The following RAD9B variants were observed in gnomAD, a reference collection of about 807,000 sequenced individuals.
RAD9B encodes the protein RAD9 checkpoint clamp component B.
A neutral mutation model predicts 48.3 loss-of-function variants in RAD9B; 41 were observed. That is an observed-to-expected ratio of 0.85 (90% CI 0.66 to 1.10). The LOEUF (loss-of-function observed/expected upper bound fraction) is 1.10, where lower values mean the gene tolerates loss of function less well. Ranked by LOEUF, RAD9B falls within the 50% of genes least tolerant of loss-of-function variation. RAD9B has a pLI of 0.00. For synonymous variants in RAD9B, 160 were observed against 157.9 expected, an observed-to-expected ratio of 1.01 and a Z score of -0.10; for missense variants, 444 against 485.1, an observed-to-expected ratio of 0.92 and a Z score of 0.80.
At chr12:110,521,552 ATTCT>A in intron 9 of RAD9B, among the ~76,000 whole-genome samples, 2 of 145,718 alleles carry the variant, frequency 1.4e-5, no homozygotes, top group Admixed American at 6.8e-5. Flanking sequence ...TGAAAACATA[ATTCT>A]TTTTTTTTTT....
intron 5 of RAD9B, among the ~76,000 whole-genome samples, chr12:110,513,593 GTTATTTGAAAGTGCA>G (rs2063524491): frequency 6.6e-6 from 1 of 151,546 alleles, no homozygotes; most frequent in South Asian, 2.1e-4. Context: ...CTTGAAACCT[GTTATTTGAAAGTGCA>G]TCCAGTTTTC....
Position 110,515,064 on chromosome 12 carries a change from C to A in RAD9B, c.503C>A (p.Ala168Asp). 6.4e-7 allele frequency: 1 copy of A among 1,550,838 alleles called. No individual in the cohort carries two copies. Among genetic ancestry groups the A allele is most frequent in the Non-Finnish European group, 8.7e-7 (1 of 1,145,036 alleles). Reference sequence around the variant, plus strand: ...ACATTTTATAGATTGCTTGCTGATGCCATTGTTCTTTTTACATCAAGTCAA... The same window carrying A: ...ACATTTTATAGATTGCTTGCTGATGACATTGTTCTTTTTACATCAAGTCAA... The part of the protein sequence containing the change: ...LMIQPRLLAD[A>D]IVLFTSSQEE... Residue 168 changes from alanine to aspartate, a missense_variant, in exon 6 of 11, where the codon GCC (alanine) becomes GAC (aspartate). Physicochemically the swap from Ala to Asp is moderately radical, Grantham distance 126 (BLOSUM62 -2). Coordinates refer to ENST00000409300, the MANE Select transcript of RAD9B (RefSeq NM_001286535.2).
Position 110,505,718 on chromosome 12 carries a change from G to T in RAD9B, c.219G>T (p.Met73Ile). The change falls in exon 3 of 11, where the codon ATG becomes ATT. Residue 73 changes from methionine to isoleucine, a missense_variant. Met to Ile is a conservative substitution (Grantham distance 10, BLOSUM62 1). Transcript: ENST00000409300. The part of the protein sequence containing the change: ...QHYQWSALVK[M>I]SENELDTTLH... Reference sequence around the variant, plus strand: ...ATCAATGGTCAGCTTTAGTGAAAATGAGTGAAAATGAACTTGACACAACAC... The same window carrying T: ...ATCAATGGTCAGCTTTAGTGAAAATTAGTGAAAATGAACTTGACACAACAC... 1 of 1,609,832 alleles carries T rather than the reference G, an allele frequency of 6.2e-7. No individual in the cohort carries two copies. The highest frequency in any genetic ancestry group is 8.5e-7 in the Non-Finnish European group (1 of 1,177,862).
intron 4 of RAD9B, among the ~76,000 whole-genome samples, chr12:110,511,878 C>CGCTCTGTTGTCAGGCTGGAGTGCA (rs1230993173): frequency 1.3e-5 from 2 of 151,824 alleles, no homozygotes; most frequent in African/African-American, 4.8e-5. Context: ...GACAGAGTCT[C>CGCTCTGTTGTCAGGCTGGAGTGCA]GCTCTGTTGT....
In RAD9B at chr12:110,505,792, G is replaced by A; in HGVS notation, c.273+20G>A. 2 of 1,601,666 alleles carry A rather than the reference G, an allele frequency of 1.2e-6. No individual in the cohort carries two copies. Among genetic ancestry groups the A allele is most frequent in the Non-Finnish European group, 1.7e-6 (2 of 1,171,832 alleles). On this transcript the variant is annotated intron_variant, in intron 3 of 10. Coordinates refer to ENST00000409300, the MANE Select transcript of RAD9B (RefSeq NM_001286535.2). Reference sequence around the variant, plus strand: ...ATGAAGGTAAATATAAGTGGCCCTGGTTTTCTCTTATTCTGTAGAAATATT... The same window carrying A: ...ATGAAGGTAAATATAAGTGGCCCTGATTTTCTCTTATTCTGTAGAAATATT...
At chr12:110,526,268 C>T (rs146536467) in intron 10 of RAD9B, among the ~76,000 whole-genome samples, 1 of 152,150 alleles carries the variant, frequency 6.6e-6, no homozygotes, top group Non-Finnish European at 1.5e-5. Context: ...TCATATTAGA[C>T]TTGAAGTTAA....
intron 3 of RAD9B, 64 bp from the exon 4 acceptor site, chr12:110,506,515 C>A: frequency 1.1e-6 from 1 of 871,136 alleles, no homozygotes; most frequent in Non-Finnish European, 1.9e-6. Context: ...AATGCATATA[C>A]TTTTGTTTCT....
chr12:110,530,829 C>A lies in RAD9B; in HGVS notation c.*176C>A. 1 of 1,391,108 alleles carries A rather than the reference C, an allele frequency of 7.2e-7. No homozygotes were observed. Among genetic ancestry groups the A allele is most frequent in the Non-Finnish European group, 9.3e-7 (1 of 1,072,292 alleles). 86.2% of individuals were successfully genotyped at this position (1,391,108 alleles called of 1,614,324 possible). ...ACCATATCTAGAAATAGCTGTTTGTCAAGTGTATGTAACTTGCTTTAAATC... is the reference window on the plus strand; with the variant it reads ...ACCATATCTAGAAATAGCTGTTTGTAAAGTGTATGTAACTTGCTTTAAATC... On this transcript the variant is annotated 3_prime_UTR_variant, in exon 11 of 11. Coordinates refer to ENST00000409300, the MANE Select transcript of RAD9B (RefSeq NM_001286535.2).
Position 110,511,824 on chromosome 12 carries a change from A to C in RAD9B, c.389-955A>C, listed in dbSNP as rs146349402. 5.3e-5 allele frequency among the ~76,000 whole-genome samples: 8 copies of C among 152,282 alleles called. No homozygotes were observed. The East Asian group carries it at 1.5e-3, about 29-fold the overall frequency. On this transcript the variant is annotated intron_variant, in intron 4 of 10. Coordinates refer to ENST00000409300, the MANE Select transcript of RAD9B (RefSeq NM_001286535.2). ...TTACACAGTCTGTGCATGTAACAAA[A>C]TATCTGTCACATGTACCCCATACAT... is the stretch of plus-strand genomic sequence containing the variant.
chr12:110,510,889 G>A, intron 4 of RAD9B, among the ~76,000 whole-genome samples: 1 of 151,980 alleles, frequency 6.6e-6, no homozygotes, highest in East Asian at 1.9e-4. Context: ...AGGAGTTGGA[G>A]GTTGCAGTGA....
intron 5 of RAD9B, among the ~76,000 whole-genome samples, chr12:110,513,735 TA>T (rs2063531315): frequency 1.6e-5 from 2 of 128,308 alleles, no homozygotes; most frequent in South Asian, 2.9e-4. Context: ...TTATTATTAT[TA>T]TTTTTGAGAC....
chr12:110,516,638 C>T (rs1168543808), intron 6 of RAD9B, among the ~76,000 whole-genome samples: 5 of 151,808 alleles, frequency 3.3e-5, no homozygotes, highest in African/African-American at 4.8e-5. Flanking sequence ...GGTGAAACCC[C>T]GTCTCTATTA....
rs2064126226 is a variant in RAD9B at position 110,531,187 on chromosome 12, A to G, written c.*534A>G. On this transcript the variant is annotated 3_prime_UTR_variant, in exon 11 of 11. Transcript: ENST00000409300. The stretch of plus-strand genomic sequence containing the variant: ...GAAAAAAGATCAAGAGTAAAAATAT[A>G]TAGTCACTTTCACTTGGCTTTTTTA... The G allele has an allele frequency of 1.0e-6, 1 of 988,472 alleles. No homozygotes were observed. The highest frequency in any genetic ancestry group is 1.2e-6 in the Non-Finnish European group (1 of 824,014). The allele number at this position is 988,472 out of a possible 1,614,324, so 61.2% of individuals were successfully genotyped here.
intron 5 of RAD9B, among the ~76,000 whole-genome samples, chr12:110,513,236 G>A (rs1318244744): frequency 6.6e-6 from 1 of 151,488 alleles, no homozygotes; most frequent in Non-Finnish European, 1.5e-5. Flanking sequence ...CTAAAGTGCT[G>A]GTATTACAGG....
chr12:110,502,825 A>C, intron 1 of RAD9B: 1 of 162,286 alleles, frequency 6.2e-6, no homozygotes, highest in Non-Finnish European at 1.4e-5. Context: ...CTAAAACGGA[A>C]ACAGGGGTAA....
rs564236664 is a variant in RAD9B at position 110,530,609 on chromosome 12, G to A, written c.1210G>A (p.Asp404Asn). 2 of 1,613,968 alleles carry A rather than the reference G, an allele frequency of 1.2e-6. No homozygotes were observed. Among genetic ancestry groups the A allele is most frequent in the Middle Eastern group, 1.6e-4 (1 of 6,062 alleles). The part of the protein sequence containing the change: ...HPFDSLARAS[D>N]SEEDMNNGSF... ...TTTCGACAGTCTGGCAAGAGCAAGT[G>A]ACAGTGAAGAGGACATGAATAATGG... The change falls in exon 11 of 11, where the codon GAC becomes AAC. Residue 404 changes from aspartate to asparagine, a missense_variant. Asp to Asn is a conservative substitution (Grantham distance 23). Coordinates refer to ENST00000409300, the MANE Select transcript of RAD9B (RefSeq NM_001286535.2).
chr12:110,519,711 C>A, intron 8 of RAD9B, 83 bp from the exon 9 acceptor site: 1 of 1,461,044 alleles, frequency 6.8e-7, no homozygotes, highest in Non-Finnish European at 9.1e-7. Flanking sequence ...TCTTTTTAGT[C>A]CAGAATTAAG....
intron 2 of RAD9B, among the ~76,000 whole-genome samples, chr12:110,504,262 A>C (rs2063194341): frequency 1.3e-5 from 2 of 151,818 alleles, no homozygotes; most frequent in Non-Finnish European, 2.9e-5. Context: ...TGAGGTCAGG[A>C]GTTCGAGACT....
rs866081878 is a variant in RAD9B at position 110,531,894 on chromosome 12, T to C, written c.*1241T>C. 3 of 414,200 alleles carry C rather than the reference T, an allele frequency of 7.2e-6. No homozygotes were observed. The highest frequency in any genetic ancestry group is 6.6e-5 in the South Asian group (2 of 30,530). 25.7% of individuals were successfully genotyped at this position (414,200 alleles called of 1,614,324 possible). On this transcript the variant is annotated 3_prime_UTR_variant, in exon 11 of 11. Transcript: ENST00000409300. ...ACATCTTTCTGAAACCTTCAAACCG[T>C]AAGGAAGTGTTAACTGGCAAGCAGT...
Sources: allele counts gnomAD v4.1 joint callset (sites outside exome capture counted in the v4.1 genomes callset), GRCh38; gene constraint gnomAD v4.1.1; transcripts MANE v1.5; gene names NCBI Gene and HGNC (gene_info 2026-07-23, HGNC 2026-07-21).